The following TP63 variants were observed in gnomAD, a reference collection of about 807,000 sequenced individuals.
TP63 encodes tumor protein 63.
TP63 carries 17 observed loss-of-function variants against 82.8 expected under a neutral mutation model. That is an observed-to-expected ratio of 0.21 (90% CI 0.14 to 0.31). The LOEUF (loss-of-function observed/expected upper bound fraction) is 0.31. Ranked by LOEUF, TP63 falls within the 10% of genes least tolerant of loss-of-function variation. TP63 has a pLI of 1.00. For missense variants in TP63, 648 were observed against 895.3 expected (o/e 0.72, Z 3.52); for synonymous variants, 330 against 321.7 (o/e 1.03, Z -0.28).
intron 3 of TP63, among the ~76,000 whole-genome samples, chr3:189,767,210 A>G (rs1723019755): frequency 6.6e-6 from 1 of 152,208 alleles, no homozygotes; most frequent in South Asian, 2.1e-4. Context: ...ATCTTAGGCA[A>G]TCACAGATGT....
chr3:189,670,357 G>A (rs1040017988), intron 1 of TP63, among the ~76,000 whole-genome samples: 13 of 152,116 alleles, frequency 8.5e-5, no homozygotes, highest in Non-Finnish European at 1.5e-4. Context: ...CATGACAACT[G>A]CAGAATGTAC....
intron 1 of TP63, among the ~76,000 whole-genome samples, chr3:189,720,806 C>G (rs1719333406): frequency 6.6e-6 from 1 of 151,132 alleles, no homozygotes; most frequent in South Asian, 2.1e-4. Context: ...TAGGGAGAGA[C>G]TCTGCTACAC....
At chr3:189,605,183 G>C in the TP63 span, among the ~76,000 whole-genome samples, 1 of 152,186 alleles carries the variant, frequency 6.6e-6, no homozygotes, top group Admixed American at 6.5e-5. Context: ...CAAAATGCCT[G>C]CCTTGTCTAC....
At position 189,872,882 on chromosome 3, in the gene TP63, A is replaced by G; in HGVS notation, c.1236A>G (p.Glu412=). 1.2e-6 allele frequency: 2 copies of G among 1,614,086 alleles called. No individual in the cohort carries two copies. Among genetic ancestry groups the G allele is most frequent in the Non-Finnish European group, 1.7e-6 (2 of 1,179,990 alleles). Residue 412 remains glutamate (E), a synonymous_variant, in exon 10 of 14, where the codon GAA becomes GAG. Coordinates refer to ENST00000264731, the MANE Select transcript of TP63 (RefSeq NM_003722.5). ...YLPVRGRETY[E]MLLKIKESLE... ...AGGTGAGGGGCCGTGAGACTTATGA[A>G]ATGCTGTTGAAGATCAAAGAGTCCC...
At chr3:189,723,389 T>C (rs1043645929) in intron 1 of TP63, among the ~76,000 whole-genome samples, 2 of 152,228 alleles carry the variant, frequency 1.3e-5, no homozygotes, top group African/African-American at 4.8e-5. Flanking sequence ...TTCATGTTGG[T>C]ATCTAATTCA....
intron 1 of TP63, among the ~76,000 whole-genome samples, chr3:189,636,199 G>A (rs750201020): frequency 3.9e-5 from 6 of 152,050 alleles, no homozygotes; most frequent in Non-Finnish European, 7.4e-5. Context: ...GCACAATGCC[G>A]CTCTATTACC....
intron 3 of TP63, among the ~76,000 whole-genome samples, chr3:189,805,276 C>T (rs1280502894): frequency 6.6e-6 from 1 of 152,164 alleles, no homozygotes; most frequent in African/African-American, 2.4e-5. Flanking sequence ...AAAATTGTCA[C>T]TAGCTTTTCT....
At chr3:189,867,730 C>A in intron 6 of TP63, 103 bp from the exon 7 acceptor site, 1 of 1,056,154 alleles carries the variant, frequency 9.5e-7, no homozygotes, top group Non-Finnish European at 1.4e-6. Flanking sequence ...GGAAGCGTAT[C>A]ACTTCATCAG....
chr3:189,675,730 G>A (rs761747403), intron 1 of TP63, among the ~76,000 whole-genome samples: 40 of 152,056 alleles, frequency 2.6e-4, no homozygotes, highest in Non-Finnish European at 3.7e-4. Flanking sequence ...CCACTGTGCT[G>A]GGTGAGCTGC....
chr3:189,734,373 C>A (rs993645660), intron 1 of TP63, among the ~76,000 whole-genome samples: 2 of 151,880 alleles, frequency 1.3e-5, no homozygotes, highest in Non-Finnish European at 1.5e-5. Context: ...GGTTTCCTTG[C>A]CCTGGACCCT....
intron 3 of TP63, chr3:189,789,878 T>TGCTTG (rs1724955324): frequency 6.6e-7 from 1 of 1,507,704 alleles, no homozygotes. Context: ...CATTTAGAGA[T>TGCTTG]GCTTTTTAAT....
At chr3:189,761,728 T>C (rs148570712) in intron 3 of TP63, among the ~76,000 whole-genome samples, 24 of 152,294 alleles carry the variant, frequency 1.6e-4, no homozygotes, top group Non-Finnish European at 2.9e-4. Context: ...TATTAGTCCA[T>C]TTTACACTAC....
chr3:189,852,504 A>G (rs996585801), intron 4 of TP63, among the ~76,000 whole-genome samples: 5 of 152,224 alleles, frequency 3.3e-5, no homozygotes, highest in African/African-American at 1.2e-4. Flanking sequence ...ACTTCCATGT[A>G]TGTATTTCAT....
At chr3:189,744,695 G>C (rs897367599) in intron 3 of TP63, among the ~76,000 whole-genome samples, 1 of 152,212 alleles carries the variant, frequency 6.6e-6, no homozygotes, top group Non-Finnish European at 1.5e-5. Flanking sequence ...TCTTGCCACT[G>C]CTAATGCCAT....
chr3:189,643,002 TATTTATTTATTC>T (rs147644498), intron 1 of TP63, among the ~76,000 whole-genome samples: 67,060 of 149,134 alleles, frequency 0.45, 15,563 homozygotes, highest in East Asian at 0.51. Flanking sequence ...TTTATTTATT[TATTTATTTATTC>T]ATTTTAGATG....
intron 4 of TP63, among the ~76,000 whole-genome samples, chr3:189,838,140 G>T (rs2056126): frequency 0.13 from 18,985 of 151,778 alleles, 3,748 homozygotes; most frequent in African/African-American, 0.42. Flanking sequence ...AGTTTCCTGA[G>T]CCCCCCTCCC....
intron 3 of TP63, among the ~76,000 whole-genome samples, chr3:189,781,316 C>G (rs1724213365): frequency 6.6e-6 from 1 of 152,154 alleles, no homozygotes; most frequent in African/African-American, 2.4e-5. Context: ...CTTATCCACC[C>G]TCGTGGTTCA....
intron 10 of TP63, among the ~76,000 whole-genome samples, chr3:189,879,752 G>T (rs1332892297): frequency 6.6e-6 from 1 of 151,944 alleles, no homozygotes; most frequent in Non-Finnish European, 1.5e-5. Context: ...TTAAAAATAT[G>T]TTTTCCTGGA....
chr3:189,855,657 G>T (rs1018451521), intron 4 of TP63, among the ~76,000 whole-genome samples: 2 of 151,802 alleles, frequency 1.3e-5, no homozygotes, highest in African/African-American at 4.8e-5. Context: ...ATTATAAAAA[G>T]AATACCGTCT....
Sources: gnomAD v4.1 joint callset for allele counts (sites outside exome capture counted in the v4.1 genomes callset) on GRCh38, gnomAD v4.1.1 for gene constraint, MANE v1.5 for transcripts, NCBI Gene and HGNC (gene_info 2026-07-23, HGNC 2026-07-21) for gene names.